The following PPP1R12A variants were observed in gnomAD, a reference collection of about 807,000 sequenced individuals.
The protein encoded by PPP1R12A is protein phosphatase 1 regulatory subunit 12A, also known as myosin binding subunit.
In PPP1R12A, 19 loss-of-function variants were observed where a neutral mutation model predicts 139.6. The observed-to-expected ratio is 0.14, with a 90% CI of 0.09 to 0.20. The LOEUF (loss-of-function observed/expected upper bound fraction) is 0.20, where lower values mean the gene tolerates loss of function less well. Ranked by LOEUF, PPP1R12A falls within the 10% of genes least tolerant of loss-of-function variation. The pLI is 1.00. For missense variants in PPP1R12A, 925 were observed against 1,211.5 expected (o/e 0.76, Z 3.51); for synonymous variants, 427 against 420.6 (o/e 1.02, Z -0.19).
At chr12:79,931,684 C>G (rs532865485) in intron 1 of PPP1R12A, among the ~76,000 whole-genome samples, 1 of 152,116 alleles carries the variant, frequency 6.6e-6, no homozygotes, top group African/African-American at 2.4e-5. Flanking sequence ...TGATTATTGC[C>G]CCATTGGTAA....
chr12:79,887,601 C>T lies in PPP1R12A; in HGVS notation c.238-14663G>A, dbSNP rs116019164. Among the ~76,000 whole-genome samples the T allele has an allele frequency of 5.4e-3, 822 of 152,232 alleles. 5 individuals carry two copies. The highest frequency in any genetic ancestry group is 0.019 in the African/African-American group (780 of 41,562). ...CTCATTACTGTCTGCACTCTGGAGA[C>T]AGGGTGGAAGGCAGATACAGAGAAA... On this transcript the variant is annotated intron_variant, in intron 1 of 24. Transcript: ENST00000450142.
chr12:79,925,466 C>T (rs1319524470), intron 1 of PPP1R12A, among the ~76,000 whole-genome samples: 3 of 152,140 alleles, frequency 2.0e-5, no homozygotes, highest in Non-Finnish European at 4.4e-5. Flanking sequence ...AATTTCAGCT[C>T]AAATGTGAGT....
chr12:79,854,448 C>T (rs143797567), intron 2 of PPP1R12A, among the ~76,000 whole-genome samples: 36 of 152,216 alleles, frequency 2.4e-4, no homozygotes, highest in African/African-American at 8.4e-4. Flanking sequence ...CACTGTCTCC[C>T]TCTTCTTCAG....
At chr12:79,806,596 A>G (rs1873867055) in intron 12 of PPP1R12A, among the ~76,000 whole-genome samples, 2 of 152,218 alleles carry the variant, frequency 1.3e-5, no homozygotes, top group African/African-American at 4.8e-5. Flanking sequence ...ATATTTTTGA[A>G]ACTATTCCAC....
chr12:79,899,233 A>AATATATATAT (rs58319454), intron 1 of PPP1R12A, among the ~76,000 whole-genome samples: 15 of 141,920 alleles, frequency 1.1e-4, no homozygotes, highest in South Asian at 4.7e-4. Context: ...AGATCTTAAA[A>AATATATATAT]ATATATATAT....
In PPP1R12A at chr12:79,832,340, T is replaced by C. The variant is rs777831154; in HGVS notation, c.639A>G (p.Glu213=). ...TAAAAAACAATACTTACTTTAAAAC[T>C]TCCGTATAGCCTTTAGCAGCTGCAA... The part of the protein sequence containing the change: ...LHVAAAKGYT[E]VLKLLIQAGY... The change falls in exon 4 of 25, where the codon GAA becomes GAG. Residue 213 remains glutamate (E), a synonymous_variant. Coordinates refer to ENST00000450142, the MANE Select transcript of PPP1R12A (RefSeq NM_002480.3). The C allele has an allele frequency of 3.1e-6, 5 of 1,599,720 alleles. No homozygotes were observed. Among genetic ancestry groups the C allele is most frequent in the Non-Finnish European group, 4.3e-6 (5 of 1,175,740 alleles).
At chr12:79,797,158 A>G in intron 16 of PPP1R12A, 37 bp downstream of exon 16, 1 of 1,500,384 alleles carries the variant, frequency 6.7e-7, no homozygotes, top group South Asian at 1.2e-5. Flanking sequence ...GACTATTCAT[A>G]CCATTTGACT....
intron 2 of PPP1R12A, among the ~76,000 whole-genome samples, chr12:79,866,445 T>C (rs1881972052): frequency 1.3e-5 from 2 of 152,118 alleles, no homozygotes; most frequent in South Asian, 2.1e-4. Context: ...CCAAAAGCAA[T>C]GGCAACAAAA....
chr12:79,792,429 C>T (rs188845007), intron 19 of PPP1R12A, among the ~76,000 whole-genome samples: 6 of 152,166 alleles, frequency 3.9e-5, no homozygotes, highest in Admixed American at 3.9e-4. Flanking sequence ...AATACATTTT[C>T]TTTGTTTAAT....
At chr12:79,807,708 T>TA (rs906790133) in intron 11 of PPP1R12A, among the ~76,000 whole-genome samples, 31 of 151,556 alleles carry the variant, frequency 2.0e-4, no homozygotes, top group African/African-American at 6.0e-4. Context: ...GGGAAAAAAA[T>TA]AAAAAAATTA....
intron 2 of PPP1R12A, among the ~76,000 whole-genome samples, chr12:79,855,939 T>G (rs1360920621): frequency 6.6e-6 from 1 of 151,906 alleles, no homozygotes; most frequent in Non-Finnish European, 1.5e-5. Flanking sequence ...AAAAACACAG[T>G]AAGCACTTGG....
Position 79,774,700 on chromosome 12 carries a change from T to C in PPP1R12A, c.*1229A>G, listed in dbSNP as rs1270679327. 6.6e-6 allele frequency: 1 copy of C among 152,142 alleles called. No homozygotes were observed. The allele number at this position is 152,142 out of a possible 1,614,324, so 9.4% of individuals were successfully genotyped here. A position where few individuals can be genotyped will look rare whatever the true frequency, so the allele number is the denominator to read the frequency against. ...AACATGATGGTGGTATCAAAGTCGA[T>C]GCCTCTTCACATGGCAATAACAGTG... On this transcript the variant is annotated 3_prime_UTR_variant, in exon 25 of 25. Coordinates refer to ENST00000450142, the MANE Select transcript of PPP1R12A (RefSeq NM_002480.3).
chr12:79,871,556 A>C (rs1040500233), intron 2 of PPP1R12A, among the ~76,000 whole-genome samples: 1 of 152,192 alleles, frequency 6.6e-6, no homozygotes, highest in African/African-American at 2.4e-5. Context: ...ATAGAAGAGA[A>C]AACCAAAGCC....
At chr12:79,783,422 T>C (rs1360520476) in intron 22 of PPP1R12A, among the ~76,000 whole-genome samples, 1 of 152,054 alleles carries the variant, frequency 6.6e-6, no homozygotes, top group African/African-American at 2.4e-5. Context: ...GAGCCCTGAC[T>C]GTACCACTGC....
chr12:79,883,156 A>G (rs1348405909), intron 1 of PPP1R12A, among the ~76,000 whole-genome samples: 1 of 152,082 alleles, frequency 6.6e-6, no homozygotes, highest in African/African-American at 2.4e-5. Context: ...AAACAAAACA[A>G]AACAAAAAAA....
chr12:79,806,565 AC>A (rs1194883278), intron 12 of PPP1R12A, among the ~76,000 whole-genome samples: 3 of 152,322 alleles, frequency 2.0e-5, no homozygotes, highest in Non-Finnish European at 4.4e-5. Flanking sequence ...TCTCAACAAG[AC>A]AAAGATGATC....
intron 2 of PPP1R12A, among the ~76,000 whole-genome samples, chr12:79,867,116 T>C (rs1375658898): frequency 1.3e-5 from 2 of 152,148 alleles, no homozygotes; most frequent in East Asian, 1.9e-4. Flanking sequence ...GTGGCACATA[T>C]ACACCATGGA....
chr12:79,869,934 T>TATTATTATA (rs888120483), intron 2 of PPP1R12A, among the ~76,000 whole-genome samples: 2 of 150,100 alleles, frequency 1.3e-5, no homozygotes, highest in African/African-American at 4.9e-5. Flanking sequence ...TTATTATTAT[T>TATTATTATA]ATAAGTGCTT....
At chr12:79,781,452 A>G (rs1334414597) in intron 23 of PPP1R12A, among the ~76,000 whole-genome samples, 1 of 152,130 alleles carries the variant, frequency 6.6e-6, no homozygotes, top group African/African-American at 2.4e-5. Context: ...TAAAGAATTA[A>G]AATAAATGTA....
Sources: allele counts gnomAD v4.1 joint callset (sites outside exome capture counted in the v4.1 genomes callset), GRCh38; gene constraint gnomAD v4.1.1; transcripts MANE v1.5; gene names NCBI Gene and HGNC (gene_info 2026-07-23, HGNC 2026-07-21).